The following ADAM15 variants were observed in gnomAD, a reference collection of about 807,000 sequenced individuals.
ADAM15 encodes the protein disintegrin and metalloproteinase domain-containing protein 15.
Under a neutral mutation model 113.8 loss-of-function variants are expected in ADAM15, and 77 were observed. The ratio of observed to expected loss-of-function variants is 0.68; its 90% CI spans 0.56 to 0.82. The LOEUF (loss-of-function observed/expected upper bound fraction) is 0.82. ADAM15 is among the 40% of genes least tolerant of loss of function. The pLI is 0.00. For synonymous variants in ADAM15, 388 were observed against 454.1 expected (o/e 0.85, Z 1.85); for missense variants, 963 against 1,120.1 (o/e 0.86, Z 2.00).
Position 155,061,952 on chromosome 1 carries a change from G to C in ADAM15, c.2401G>C (p.Asp801His). The C allele has an allele frequency of 6.3e-7, 1 of 1,588,536 alleles. No individual in the cohort carries two copies. The change falls in exon 21 of 23, where the codon GAC (aspartate) becomes CAC (histidine). Residue 801 changes from aspartate to histidine, a missense_variant. Asp to His is a moderately conservative substitution (Grantham distance 81, BLOSUM62 -1). Coordinates refer to ENST00000356955, the MANE Select transcript of ADAM15 (RefSeq NM_207197.3). ...PNPPTRPLPA[D>H]PVVRSPKSQG... The stretch of plus-strand genomic sequence containing the variant: ...TCCCCCTACCCGCCCTCTGCCCGCT[G>C]ACCCGGTGGTGAGAAGCCCGAAGGT...
At position 155,057,871 on chromosome 1, in the gene ADAM15, G is replaced by C. The variant is rs112503488; in HGVS notation, c.1437G>C (p.Gln479His). ...QNCQLRPSGW[Q>H]CRPTRGDCDL... The stretch of plus-strand genomic sequence containing the variant: ...CACAGCTGCGCCCGTCTGGCTGGCA[G>C]TGTCGTCCTACCAGAGGGGATTGTG... The change falls in exon 14 of 23, where the codon CAG (glutamine) becomes CAC (histidine). Residue 479 changes from glutamine to histidine, a missense_variant. Physicochemically the swap from Gln to His is conservative, Grantham distance 24 (BLOSUM62 0). Transcript: ENST00000356955. The surrounding 1 kb of genome is among the most constrained non-coding windows in gnomAD (Gnocchi z 5.0). 3 of 1,613,360 alleles carry C rather than the reference G, an allele frequency of 1.9e-6. No individual in the cohort carries two copies. In the East Asian group the frequency reaches 6.7e-5, roughly 36 times the overall value.
In ADAM15 at chr1:155,057,225, C is replaced by T. The variant is rs777257663; in HGVS notation, c.1186C>T (p.Arg396Trp). Residue 396 changes from arginine to tryptophan, a missense_variant, in exon 12 of 23, where the codon CGG becomes TGG. By Grantham distance (101) the Arg-to-Trp change is moderately radical. Coordinates refer to ENST00000356955, the MANE Select transcript of ADAM15 (RefSeq NM_207197.3). The surrounding 1 kb of genome is among the most constrained non-coding windows in gnomAD (Gnocchi z 5.0). ...CCTGAACTTCAGCAACTGCAGCCGA[C>T]GGGCCCTGGAGAAAGCCCTCCTGGA... ...PGLNFSNCSR[R>W]ALEKALLDGM... 28 of 1,613,870 alleles carry T rather than the reference C, an allele frequency of 1.7e-5. No homozygotes were observed. The highest frequency in any genetic ancestry group is 1.1e-4 in the South Asian group (10 of 91,092).
rs1306236216 is a variant in ADAM15, at chr1:155,052,723, G to A, written c.132G>A (p.Leu44=). 6.2e-7 allele frequency: 1 copy of A among 1,612,510 alleles called. No individual in the cohort carries two copies. Among genetic ancestry groups the A allele is most frequent in the South Asian group, 1.1e-5 (1 of 90,628 alleles). The change falls in exon 2 of 23, where the codon TTG becomes TTA. Residue 44 remains leucine, a synonymous_variant. Transcript: ENST00000356955. ...CAGAGAAGGCCCCGAGGGAGCCCTT[G>A]GAGCCCCAGGTCCTTCAGGACGATC... ...AESEKAPREP[L]EPQVLQDDLP... is the part of the protein sequence containing the mutation.
Position 155,058,732 on chromosome 1 carries a change from A to G in ADAM15, c.1940A>G (p.Gln647Arg), listed in dbSNP as rs1190346011. Residue 647 changes from glutamine to arginine, a missense_variant, in exon 16 of 23, where the codon CAG becomes CGG. Physicochemically the swap from Gln to Arg is conservative, Grantham distance 43 (BLOSUM62 1). Transcript: ENST00000356955. This position sits in a 1 kb window ranked among gnomAD's most constrained non-coding sequence, Gnocchi z 4.3. ...CAGGTGTGTATAGACCATCGATGCC[A>G]GCGTGTGGATCTCCTGGGGGCACAG... ...PGLVCIDHRC[Q>R]RVDLLGAQEC... 1 of 1,613,848 alleles carries G rather than the reference A, an allele frequency of 6.2e-7. No homozygotes were observed. Among genetic ancestry groups the G allele is most frequent in the East Asian group, 2.2e-5 (1 of 44,884 alleles).
At chr1:155,052,558 A>G in intron 1 of ADAM15, 113 bp from the exon 2 acceptor site, 1 of 1,550,626 alleles carries the variant, frequency 6.4e-7, no homozygotes, top group Non-Finnish European at 8.7e-7. Flanking sequence ...GAAGCCCCTC[A>G]GGTACCTAAG....
At chr1:155,054,585 G>A in intron 6 of ADAM15, 79 bp downstream of exon 6, 1 of 1,416,258 alleles carries the variant, frequency 7.1e-7, no homozygotes, top group Admixed American at 2.6e-5. Flanking sequence ...TGTGTGCACA[G>A]TAACAACAGC....
In ADAM15 at chr1:155,062,478, G is replaced by A; in HGVS notation, c.2568G>A (p.Pro856=). The change falls in exon 23 of 23, where the codon CCG becomes CCA. Residue 856 remains proline (P), a synonymous_variant. Transcript: ENST00000356955. The surrounding 1 kb of genome is among the most constrained non-coding windows in gnomAD (Gnocchi z 7.0). ...VVPSRPAPPP[P]TVSSLYL ...AATCCAGACCAGCGCCACCGCCTCCGACAGTGTCCTCGCTCTACCTCTGAC... is the reference window on the plus strand; with the variant it reads ...AATCCAGACCAGCGCCACCGCCTCCAACAGTGTCCTCGCTCTACCTCTGAC... The A allele has an allele frequency of 1.2e-6, 2 of 1,613,430 alleles. No homozygotes were observed. The highest frequency in any genetic ancestry group is 1.7e-6 in the Non-Finnish European group (2 of 1,179,960).
At chr1:155,053,107 A>ACCC (rs5777934) in intron 2 of ADAM15, among the ~76,000 whole-genome samples, 3,420 of 102,428 alleles carry the variant, frequency 0.033, 9 homozygotes, top group Non-Finnish European at 0.04. Flanking sequence ...ACCTTACCAA[A>ACCC]CCCCCCCCCC....
Position 155,055,833 on chromosome 1 carries a change from T to C in ADAM15, c.656T>C (p.Ile219Thr), listed in dbSNP as rs751236157. The part of the protein sequence containing the change: ...VTETKTVELV[I>T]VADHSEAQKY... ...GAGACCAAGACTGTGGAGTTGGTGA[T>C]TGTGGCTGATCACTCGGAGGTGAGC... Residue 219 changes from isoleucine to threonine, a missense_variant, in exon 7 of 23, where the codon ATT becomes ACT. Coordinates refer to ENST00000356955, the MANE Select transcript of ADAM15 (RefSeq NM_207197.3). 1.1e-5 allele frequency: 18 copies of C among 1,614,206 alleles called. No individual in the cohort carries two copies. Among genetic ancestry groups the C allele is most frequent in the Admixed American group, 1.7e-5 (1 of 60,028 alleles).
chr1:155,051,615 G>C, intron 1 of ADAM15, 150 bp downstream of exon 1: 2 of 679,194 alleles, frequency 2.9e-6, no homozygotes, highest in Non-Finnish European at 4.5e-6. Flanking sequence ...TGGGCCTAGG[G>C]CCCGGTGACT....
rs1180482153 is a variant in ADAM15, at chr1:155,057,260, C to A, written c.1221C>A (p.Gly407=). The A allele has an allele frequency of 6.2e-7, 1 of 1,614,078 alleles. No individual in the cohort carries two copies. Among genetic ancestry groups the A allele is most frequent in the Admixed American group, 1.7e-5 (1 of 60,010 alleles). The change falls in exon 12 of 23, where the codon GGC becomes GGA. Residue 407 remains glycine (G), a synonymous_variant. Coordinates refer to ENST00000356955, the MANE Select transcript of ADAM15 (RefSeq NM_207197.3). The surrounding 1 kb of genome is among the most constrained non-coding windows in gnomAD (Gnocchi z 5.0). ...ALEKALLDGM[G]SCLFERLPSL... ...AGAAAGCCCTCCTGGATGGAATGGG[C>A]AGCTGCCTCTTCGAACGGCTGCCTA...
Position 155,057,692 on chromosome 1 carries a change from AGT to A in ADAM15, c.1383_1384del (p.Ala462IlefsTer2). 1 of 1,614,146 alleles carries A rather than the reference AGT, an allele frequency of 6.2e-7. No individual in the cohort carries two copies. Among genetic ancestry groups the A allele is most frequent in the East Asian group, 2.2e-5 (1 of 44,880 alleles). On this transcript the variant is annotated frameshift_variant, in exon 13 of 23. Transcript: ENST00000356955. LOFTEE classifies it high-confidence loss of function. This position sits in a 1 kb window ranked among gnomAD's most constrained non-coding sequence, Gnocchi z 5.0. ...ACCTGCCAGCTGAGGCCAGGTGCAC[AGT>A]GTGCATCTGACGGACCCTGTTGTCA...
intron 1 of ADAM15, 41 bp downstream of exon 1, chr1:155,051,506 A>T: frequency 6.8e-7 from 1 of 1,478,552 alleles, no homozygotes; most frequent in Non-Finnish European, 9.0e-7. Context: ...GCGGACTGGG[A>T]GGGAGGTGCA....
intron 18 of ADAM15, 78 bp downstream of exon 18, chr1:155,060,421 G>A: frequency 6.3e-7 from 1 of 1,578,300 alleles, no homozygotes; most frequent in Non-Finnish European, 8.7e-7. Context: ...TGCAGCCCCT[G>A]CCACCTGGTT....
chr1:155,057,803 G>C lies in ADAM15; in HGVS notation c.1417-48G>C. The C allele has an allele frequency of 1.2e-6, 2 of 1,613,024 alleles. No individual in the cohort carries two copies. Among genetic ancestry groups the C allele is most frequent in the Non-Finnish European group, 1.7e-6 (2 of 1,179,156 alleles). On this transcript the variant is annotated intron_variant, in intron 13 of 22. Transcript: ENST00000356955. This position sits in a 1 kb window ranked among gnomAD's most constrained non-coding sequence, Gnocchi z 5.0. ...GGTGGAAAGGGTCATTCTGACCCCCGGCTGGATTTGCTCAGTGCCCACACT... is the reference window on the plus strand; with the variant it reads ...GGTGGAAAGGGTCATTCTGACCCCCCGCTGGATTTGCTCAGTGCCCACACT...
In ADAM15 at chr1:155,061,455, C is replaced by G; in HGVS notation, c.2318C>G (p.Pro773Arg). The change falls in exon 20 of 23, where the codon CCG becomes CGG. Residue 773 changes from proline to arginine, a missense_variant. Physicochemically the swap from Pro to Arg is moderately radical, Grantham distance 103 (BLOSUM62 -2). Transcript: ENST00000356955. Reference sequence around the variant, plus strand: ...AGCTTCCCGGCCCCCCCTTCCAGGCCGCTGCCGCCTGACCCTGTGTCCAAG... The same window carrying G: ...AGCTTCCCGGCCCCCCCTTCCAGGCGGCTGCCGCCTGACCCTGTGTCCAAG... ...ALSFPAPPSR[P>R]LPPDPVSKRL... is the part of the protein sequence containing the mutation. 1.2e-6 allele frequency: 2 copies of G among 1,613,806 alleles called. No individual in the cohort carries two copies. The highest frequency in any genetic ancestry group is 2.2e-5 in the South Asian group (2 of 91,062).
rs1261785001 is a variant in ADAM15 at position 155,051,321 on chromosome 1, C to A, written c.-66C>A. 4.0e-6 allele frequency: 5 copies of A among 1,260,076 alleles called. No homozygotes were observed. Among genetic ancestry groups the A allele is most frequent in the Non-Finnish European group, 5.1e-6 (5 of 981,156 alleles). 78.1% of individuals were successfully genotyped at this position (1,260,076 alleles called of 1,614,324 possible). A position where few individuals can be genotyped will look rare whatever the true frequency, so the allele number is the denominator to read the frequency against. On this transcript the variant is annotated 5_prime_UTR_variant, in exon 1 of 23. Coordinates refer to ENST00000356955, the MANE Select transcript of ADAM15 (RefSeq NM_207197.3). Reference sequence around the variant, plus strand: ...GCTGGGTTCTCCGAGGCGACCTGGCCGCCGGCCGCTCCTCCGCGCGCTGTT... The same window carrying A: ...GCTGGGTTCTCCGAGGCGACCTGGCAGCCGGCCGCTCCTCCGCGCGCTGTT...
At position 155,061,440 on chromosome 1, in the gene ADAM15, C is replaced by A; in HGVS notation, c.2303C>A (p.Ala768Asp). Residue 768 changes from alanine (A) to aspartate (D), a missense_variant, in exon 20 of 23, where the codon GCC becomes GAC. By Grantham distance (126) the Ala-to-Asp change is moderately radical (BLOSUM62 -2). Transcript: ENST00000356955. ...CAGGCTAGTGCTCTCAGCTTCCCGG[C>A]CCCCCCTTCCAGGCCGCTGCCGCCT... is the stretch of plus-strand genomic sequence containing the variant. ...TKQASALSFP[A>D]PPSRPLPPDP... The A allele has an allele frequency of 6.2e-7, 1 of 1,613,534 alleles. No homozygotes were observed. Among genetic ancestry groups the A allele is most frequent in the Non-Finnish European group, 8.5e-7 (1 of 1,179,786 alleles).
At chr1:155,060,879 T>G (rs748433585) in intron 19 of ADAM15, 47 bp downstream of exon 19, 2 of 1,563,616 alleles carry the variant, frequency 1.3e-6, no homozygotes, top group Non-Finnish European at 1.7e-6. Context: ...TGGCCGGGCA[T>G]CCAGCTTGGG....
Sources: gnomAD v4.1 joint callset for allele counts (sites outside exome capture counted in the v4.1 genomes callset) on GRCh38, gnomAD v4.1.1 for gene constraint, Gnocchi (gnomAD v3.1) non-coding constraint, MANE v1.5 for transcripts, NCBI Gene and HGNC (gene_info 2026-07-23, HGNC 2026-07-21) for gene names.